The following OPCML variants were observed in gnomAD, a reference collection of about 807,000 sequenced individuals.
OPCML encodes opioid-binding protein/cell adhesion molecule.
OPCML carries 13 observed loss-of-function variants against 37.8 expected under a neutral mutation model. The observed-to-expected ratio is 0.34, with a 90% CI of 0.22 to 0.55. The LOEUF is 0.55. Ranked by LOEUF, OPCML falls within the 20% of genes least tolerant of loss-of-function variation. The pLI is 0.91. For synonymous variants in OPCML, 176 were observed against 168.8 expected, an observed-to-expected ratio of 1.04 and a Z score of -0.33; for missense variants, 341 against 435.6, an observed-to-expected ratio of 0.78 and a Z score of 1.93.
chr11:133,418,523 A>G (rs1945815336), intron 1 of OPCML: 1 of 939,848 alleles, frequency 1.1e-6, no homozygotes, highest in Middle Eastern at 5.4e-4. Context: ...AAATTATGAC[A>G]GTAGGAGAAA....
In OPCML at chr11:133,289,185, T is replaced by C. The variant is rs1436094618; in HGVS notation, c.61+243079A>G. Among the ~76,000 whole-genome samples, 3 of 152,236 alleles carry C rather than the reference T, an allele frequency of 2.0e-5. No homozygotes were observed. In the East Asian group the frequency reaches 5.8e-4, roughly 29 times the overall value. ...TAGGTTGATACCATTTGTTTGTTAA[T>C]TTGTTTTGGATAGTAAACCCTGATT... is the stretch of plus-strand genomic sequence containing the variant. On this transcript the variant is annotated intron_variant, in intron 1 of 7. Transcript: ENST00000524381.
chr11:133,080,479 T>TG (rs1948696242), intron 1 of OPCML, among the ~76,000 whole-genome samples: 1 of 149,084 alleles, frequency 6.7e-6, no homozygotes, highest in Admixed American at 6.6e-5. Flanking sequence ...CAAATGTTTT[T>TG]TTTTTTTTTT....
At chr11:133,002,242 C>T (rs2136849860) in intron 1 of OPCML, among the ~76,000 whole-genome samples, 1 of 152,304 alleles carries the variant, frequency 6.6e-6, no homozygotes, top group Admixed American at 6.5e-5. Flanking sequence ...ACTATGGTCC[C>T]AGTTTGATGG....
chr11:132,813,444 A>T (rs2136230851), intron 2 of OPCML, among the ~76,000 whole-genome samples: 1 of 152,322 alleles, frequency 6.6e-6, no homozygotes, highest in Non-Finnish European at 1.5e-5. Flanking sequence ...GAACCTGAGC[A>T]CCATAACCGT....
At chr11:132,441,940 C>A (rs2096037175) in intron 4 of OPCML, among the ~76,000 whole-genome samples, 1 of 152,152 alleles carries the variant, frequency 6.6e-6, no homozygotes, top group Non-Finnish European at 1.5e-5. Flanking sequence ...GAGCATGAAA[C>A]ATCCACAAGC....
chr11:132,544,417 G>A (rs2096364230), intron 3 of OPCML, among the ~76,000 whole-genome samples: 1 of 152,172 alleles, frequency 6.6e-6, no homozygotes, highest in Non-Finnish European at 1.5e-5. Context: ...TCACAATGCT[G>A]CAGGGATTTT....
chr11:132,478,665 A>T (rs978632386), intron 4 of OPCML, among the ~76,000 whole-genome samples: 3 of 152,228 alleles, frequency 2.0e-5, no homozygotes, highest in African/African-American at 7.2e-5. Flanking sequence ...GTTAAATAAT[A>T]GTTGATAACT....
chr11:132,760,931 T>G (rs562969499), intron 2 of OPCML, among the ~76,000 whole-genome samples: 6 of 152,330 alleles, frequency 3.9e-5, no homozygotes, highest in African/African-American at 1.4e-4. Flanking sequence ...GTGCAGTGGC[T>G]GGTACCAGTT....
intron 1 of OPCML, among the ~76,000 whole-genome samples, chr11:133,011,006 G>A (rs1947202206): frequency 6.6e-6 from 1 of 152,182 alleles, no homozygotes; most frequent in African/African-American, 2.4e-5. Flanking sequence ...TACACTATCT[G>A]GAATTTTTTT....
chr11:132,945,163 A>G (rs528667927), intron 1 of OPCML, among the ~76,000 whole-genome samples: 39 of 152,350 alleles, frequency 2.6e-4, no homozygotes, highest in African/African-American at 8.9e-4. Flanking sequence ...TGAAACATAT[A>G]TAGTCATATG....
At chr11:132,775,692 C>T (rs997489696) in intron 2 of OPCML, among the ~76,000 whole-genome samples, 4 of 152,146 alleles carry the variant, frequency 2.6e-5, no homozygotes, top group Admixed American at 6.5e-5. Flanking sequence ...TAAAGTACCT[C>T]GGGTGCCTGG....
At chr11:133,287,784 A>G (rs1462516347) in intron 1 of OPCML, among the ~76,000 whole-genome samples, 1 of 152,106 alleles carries the variant, frequency 6.6e-6, no homozygotes, top group Non-Finnish European at 1.5e-5. Context: ...CTGGCCATTC[A>G]AAGAGCTGTC....
At position 132,694,182 on chromosome 11, in the gene OPCML, T is replaced by C. The variant is rs551933382; in HGVS notation, c.147-36863A>G. Among the ~76,000 whole-genome samples, 11 of 24,268 alleles carry C rather than the reference T, an allele frequency of 4.5e-4. No homozygotes were observed. The South Asian group carries it at 0.018, about 40-fold the overall frequency. The allele number at this position is 24,268 out of a possible 152,430, so 15.9% of individuals were successfully genotyped here. A position where few individuals can be genotyped will look rare whatever the true frequency, so the allele number is the denominator to read the frequency against. On this transcript the variant is annotated intron_variant, in intron 2 of 7. Transcript: ENST00000524381. ...TTTCGTTCTGTGAAATCAATGTCTT[T>C]TTTTTTTTTTTTTTTTTTTTTTTTT...
chr11:133,274,142 G>T (rs1941927490), intron 1 of OPCML, among the ~76,000 whole-genome samples: 2 of 152,194 alleles, frequency 1.3e-5, no homozygotes, highest in African/African-American at 4.8e-5. Flanking sequence ...ACTGGTGCTA[G>T]TTCCCAGAAT....
intron 2 of OPCML, among the ~76,000 whole-genome samples, chr11:132,778,961 C>CTTTTT (rs10657036): frequency 5.6e-4 from 49 of 87,908 alleles, no homozygotes; most frequent in Non-Finnish European, 6.4e-4. Flanking sequence ...TGGTATATTT[C>CTTTTT]TTTTTTTTTT....
chr11:133,389,815 G>A (rs1254785286), intron 1 of OPCML, among the ~76,000 whole-genome samples: 6 of 152,122 alleles, frequency 3.9e-5, no homozygotes, highest in Non-Finnish European at 8.8e-5. Flanking sequence ...GACTTTCATG[G>A]TGCATAGCAC....
intron 2 of OPCML, among the ~76,000 whole-genome samples, chr11:132,791,551 C>T (rs1937907956): frequency 1.3e-5 from 2 of 152,246 alleles, no homozygotes; most frequent in Non-Finnish European, 2.9e-5. Flanking sequence ...CACCTTAAGC[C>T]AGTTTCAGCA....
intron 1 of OPCML, among the ~76,000 whole-genome samples, chr11:133,043,687 C>A (rs1296315975): frequency 6.6e-6 from 1 of 152,076 alleles, no homozygotes; most frequent in East Asian, 1.9e-4. Flanking sequence ...CACTGATGCT[C>A]CCAATTGTGA....
chr11:132,765,129 G>A (rs1591577331), intron 2 of OPCML, among the ~76,000 whole-genome samples: 1 of 152,166 alleles, frequency 6.6e-6, no homozygotes, highest in South Asian at 2.1e-4. Context: ...GTGGCAGGAG[G>A]CCTAAGATGC....
Sources: allele counts gnomAD v4.1 joint callset (sites outside exome capture counted in the v4.1 genomes callset), GRCh38; gene constraint gnomAD v4.1.1; transcripts MANE v1.5; gene names NCBI Gene and HGNC (gene_info 2026-07-23, HGNC 2026-07-21).